Variants in DDX10 observed in about 807,000 individuals in gnomAD.
The protein encoded by DDX10 is DEAD-box helicase 10.
Under a neutral mutation model 104.3 loss-of-function variants are expected in DDX10, and 74 were observed. The observed-to-expected ratio is 0.71, with a 90% CI of 0.59 to 0.86. The LOEUF is 0.86. DDX10 is among the 40% of genes least tolerant of loss of function. The probability of loss-of-function intolerance (pLI) is 0.00; values close to 1 mark genes in which losing one functional copy is unlikely to be tolerated. For synonymous variants in DDX10, 351 were observed against 353.4 expected, an observed-to-expected ratio of 0.99 and a Z score of 0.08; for missense variants, 952 against 1,040.0, an observed-to-expected ratio of 0.92 and a Z score of 1.16.
At chr11:108,775,853 A>T (rs1399427642) in intron 13 of DDX10, among the ~76,000 whole-genome samples, 1 of 152,140 alleles carries the variant, frequency 6.6e-6, no homozygotes, top group Non-Finnish European at 1.5e-5. Flanking sequence ...CTATTATTTC[A>T]TTTACCATGG....
chr11:108,743,924 T>C (rs1176771325), intron 13 of DDX10, among the ~76,000 whole-genome samples: 2 of 152,212 alleles, frequency 1.3e-5, no homozygotes, highest in East Asian at 3.9e-4. Flanking sequence ...GTAATACTTA[T>C]GTTCCTTTTG....
intron 13 of DDX10, among the ~76,000 whole-genome samples, chr11:108,724,170 T>G (rs535197657): frequency 2.0e-5 from 3 of 152,226 alleles, no homozygotes; most frequent in African/African-American, 7.2e-5. Context: ...AAAATGAAGC[T>G]TGATTCTTAC....
At chr11:108,675,957 G>A (rs1178587365) in intron 3 of DDX10, among the ~76,000 whole-genome samples, 1 of 152,226 alleles carries the variant, frequency 6.6e-6, no homozygotes, top group Non-Finnish European at 1.5e-5. Context: ...CTGAATGAAT[G>A]AACTATTGTG....
At chr11:108,916,535 C>T (rs1029498166) in intron 16 of DDX10, among the ~76,000 whole-genome samples, 2 of 152,136 alleles carry the variant, frequency 1.3e-5, no homozygotes, top group African/African-American at 4.8e-5. Context: ...AGTGCTAGCA[C>T]AGTCATTACT....
At chr11:108,894,290 A>G (rs996595446) in intron 16 of DDX10, among the ~76,000 whole-genome samples, 3 of 152,038 alleles carry the variant, frequency 2.0e-5, no homozygotes, top group African/African-American at 7.2e-5. Flanking sequence ...ATGCATTCTC[A>G]TTGTCTTTAA....
chr11:108,713,815 G>A (rs970552316), intron 10 of DDX10, among the ~76,000 whole-genome samples: 3 of 152,258 alleles, frequency 2.0e-5, no homozygotes, highest in South Asian at 2.1e-4. Context: ...GAGGGTGGGG[G>A]CTGTGAGGAA....
In DDX10 at chr11:108,715,274, G is replaced by A. The variant is rs77240734; in HGVS notation, c.1323-605G>A. On this transcript the variant is annotated intron_variant, in intron 10 of 17. Transcript: ENST00000322536. ...TCACACCTGTAACTCAGCACTTTGG[G>A]AATCCAAGGCAGAAGGATTGCTTGA... Among the ~76,000 whole-genome samples, 15 of 152,282 alleles carry A rather than the reference G, an allele frequency of 9.9e-5. No homozygotes were observed. In the East Asian group the frequency reaches 2.9e-3, roughly 29 times the overall value.
chr11:108,711,906 T>C (rs1409694151), intron 10 of DDX10, among the ~76,000 whole-genome samples: 2 of 152,210 alleles, frequency 1.3e-5, no homozygotes, highest in Non-Finnish European at 2.9e-5. Flanking sequence ...AGTAGGGTGT[T>C]GAAGTCTCTA....
chr11:108,925,810 T>C (rs902422274), intron 17 of DDX10, among the ~76,000 whole-genome samples: 1 of 152,248 alleles, frequency 6.6e-6, no homozygotes, highest in Non-Finnish European at 1.5e-5. Context: ...TACCCATGCT[T>C]AGGTTTTGGG....
chr11:108,925,956 C>T (rs1326143312), intron 17 of DDX10, among the ~76,000 whole-genome samples: 1 of 152,012 alleles, frequency 6.6e-6, no homozygotes. Context: ...TCCATTTTGT[C>T]AGATAGCTGG....
At chr11:108,793,607 T>C (rs1227673590) in intron 13 of DDX10, among the ~76,000 whole-genome samples, 2 of 152,380 alleles carry the variant, frequency 1.3e-5, no homozygotes, top group East Asian at 3.9e-4. Flanking sequence ...TGTGAATTGC[T>C]TTTATATGGA....
chr11:108,713,482 T>G (rs2094287216), intron 10 of DDX10, among the ~76,000 whole-genome samples: 1 of 151,910 alleles, frequency 6.6e-6, no homozygotes, highest in Non-Finnish European at 1.5e-5. Flanking sequence ...GTTACAGTTC[T>G]TTTTGTTCTC....
Position 108,940,535 on chromosome 11 carries a change from G to T in DDX10, c.*112G>T. 9.3e-7 allele frequency: 1 copy of T among 1,071,976 alleles called. No homozygotes were observed. The allele number at this position is 1,071,976 out of a possible 1,614,324, so 66.4% of individuals were successfully genotyped here. A position where few individuals can be genotyped will look rare whatever the true frequency, so the allele number is the denominator to read the frequency against. On this transcript the variant is annotated 3_prime_UTR_variant, in exon 18 of 18. Transcript: ENST00000322536. ...AGGTACCATATGCCCCATTCCCAAA[G>T]GGCACATTTCTGGATAGAAGCGATC...
intron 13 of DDX10, among the ~76,000 whole-genome samples, chr11:108,780,258 C>T (rs1236612098): frequency 6.6e-6 from 1 of 152,072 alleles, no homozygotes; most frequent in Non-Finnish European, 1.5e-5. Flanking sequence ...ATGAATAGAG[C>T]ACAGGACAGG....
chr11:108,685,704 T>C (rs1213634938), intron 6 of DDX10, among the ~76,000 whole-genome samples: 1 of 152,200 alleles, frequency 6.6e-6, no homozygotes. Flanking sequence ...TTACAAATGG[T>C]ATTTAGAATT....
At chr11:108,749,497 A>T (rs767641785) in intron 13 of DDX10, among the ~76,000 whole-genome samples, 2 of 152,094 alleles carry the variant, frequency 1.3e-5, no homozygotes, top group African/African-American at 2.4e-5. Flanking sequence ...TTTTTGTTAC[A>T]CTTAAAGAAA....
chr11:108,838,710 G>C, intron 14 of DDX10, 145 bp downstream of exon 14: 1 of 918,216 alleles, frequency 1.1e-6, no homozygotes, highest in Non-Finnish European at 1.6e-6. Flanking sequence ...ACTGTAGGCT[G>C]TACATCAGCT....
At chr11:108,691,643 G>A (rs1196711969) in intron 7 of DDX10, among the ~76,000 whole-genome samples, 4 of 152,150 alleles carry the variant, frequency 2.6e-5, no homozygotes, top group Non-Finnish European at 5.9e-5. Context: ...AGGCTTTCAA[G>A]CTTCAAACTT....
chr11:108,880,639 A>G (rs1367972915), intron 16 of DDX10, among the ~76,000 whole-genome samples: 1 of 152,166 alleles, frequency 6.6e-6, no homozygotes, highest in Non-Finnish European at 1.5e-5. Flanking sequence ...GTACAAGGAA[A>G]ACGTAGGCAC....
Sources: gnomAD v4.1 joint callset for allele counts (sites outside exome capture counted in the v4.1 genomes callset) on GRCh38, gnomAD v4.1.1 for gene constraint, MANE v1.5 for transcripts, NCBI Gene and HGNC (gene_info 2026-07-23, HGNC 2026-07-21) for gene names.